MIR2052HG: variants seen among roughly 807,000 people sequenced by gnomAD.
MIR2052HG encodes MIR2052 host gene.
intron 2 of MIR2052HG, among the ~76,000 whole-genome samples, chr8:74,652,344 C>A (rs1309168049): frequency 6.6e-6 from 1 of 152,168 alleles, no homozygotes; most frequent in African/African-American, 2.4e-5. Context: ...CAGTGATACT[C>A]TCTTTTTCTC....
chr8:74,606,274 A>G (rs1214945129), intron 1 of MIR2052HG, among the ~76,000 whole-genome samples: 1 of 152,106 alleles, frequency 6.6e-6, no homozygotes, highest in African/African-American at 2.4e-5. Flanking sequence ...AGCTTGCACA[A>G]GTTAAGTCCT....
chr8:74,708,857 T>C (rs1473762497), intron 4 of MIR2052HG, among the ~76,000 whole-genome samples: 2 of 151,690 alleles, frequency 1.3e-5, no homozygotes, highest in African/African-American at 4.8e-5. Context: ...AAAATCTAAA[T>C]TTAAATTTTA....
intron 2 of MIR2052HG, among the ~76,000 whole-genome samples, chr8:74,685,269 G>T (rs551479791): frequency 6.6e-6 from 1 of 151,950 alleles, no homozygotes; most frequent in Non-Finnish European, 1.5e-5. Flanking sequence ...GAAAAAAGAT[G>T]ATATCCTCCT....
chr8:74,621,189 C>T (rs1027168302), intron 2 of MIR2052HG, among the ~76,000 whole-genome samples: 1 of 152,204 alleles, frequency 6.6e-6, no homozygotes, highest in Non-Finnish European at 1.5e-5. Flanking sequence ...AGCTCCAAAT[C>T]TTCCCACATC....
intron 5 of MIR2052HG, chr8:74,752,640 T>C: frequency 3.0e-6 from 1 of 332,480 alleles, no homozygotes; most frequent in Non-Finnish European, 5.9e-6. Context: ...TGTATCTTTG[T>C]TGAATTTTTA....
chr8:74,655,947 C>A (rs1295400565), intron 2 of MIR2052HG, among the ~76,000 whole-genome samples: 2 of 152,148 alleles, frequency 1.3e-5, no homozygotes, highest in African/African-American at 4.8e-5. Context: ...AGGAACCTTC[C>A]TCTTGCATCA....
At chr8:74,727,231 C>T (rs1201972673) in intron 4 of MIR2052HG, among the ~76,000 whole-genome samples, 1 of 152,172 alleles carries the variant, frequency 6.6e-6, no homozygotes, top group Non-Finnish European at 1.5e-5. Flanking sequence ...TATCCTTGTA[C>T]TGTTTGCAAA....
At chr8:74,747,562 G>C (rs1021882332) in intron 4 of MIR2052HG, among the ~76,000 whole-genome samples, 1 of 152,120 alleles carries the variant, frequency 6.6e-6, no homozygotes, top group Non-Finnish European at 1.5e-5. Context: ...TGTGAATCGT[G>C]TTATTCTCTG....
chr8:74,703,717 A>G, intron 4 of MIR2052HG: 1 of 438,656 alleles, frequency 2.3e-6, no homozygotes, highest in Non-Finnish European at 4.6e-6. Context: ...TGGGATCTGG[A>G]AGTCATGTGG....
intron 4 of MIR2052HG, among the ~76,000 whole-genome samples, chr8:74,731,348 A>C (rs1432936364): frequency 6.6e-6 from 1 of 152,166 alleles, no homozygotes; most frequent in East Asian, 1.9e-4. Context: ...AAGGGCCAGC[A>C]GTTTGTCATT....
intron 2 of MIR2052HG, among the ~76,000 whole-genome samples, chr8:74,626,230 G>C (rs1808434960): frequency 6.6e-6 from 1 of 152,160 alleles, no homozygotes; most frequent in Non-Finnish European, 1.5e-5. Context: ...TACCTCTTTA[G>C]AGCCACTTCT....
intron 2 of MIR2052HG, among the ~76,000 whole-genome samples, chr8:74,701,431 G>T (rs974233492): frequency 6.6e-6 from 1 of 152,008 alleles, no homozygotes; most frequent in African/African-American, 2.4e-5. Context: ...GAAGTCAATT[G>T]TATATTCCTT....
chr8:74,690,440 G>C (rs1475088372), intron 2 of MIR2052HG, among the ~76,000 whole-genome samples: 1 of 151,920 alleles, frequency 6.6e-6, no homozygotes, highest in Non-Finnish European at 1.5e-5. Flanking sequence ...TTGATTGTAG[G>C]ATTAAAGAGT....
At chr8:74,645,802 G>C (rs1458732827) in intron 2 of MIR2052HG, among the ~76,000 whole-genome samples, 1 of 152,148 alleles carries the variant, frequency 6.6e-6, no homozygotes, top group African/African-American at 2.4e-5. Flanking sequence ...AAATTTATCT[G>C]TTACCAAACT....
intron 4 of MIR2052HG, among the ~76,000 whole-genome samples, chr8:74,707,463 A>G (rs934434859): frequency 6.6e-6 from 1 of 152,156 alleles, no homozygotes; most frequent in African/African-American, 2.4e-5. Flanking sequence ...AGGTTAAGCA[A>G]CCAGAATTCA....
At chr8:74,733,586 G>A (rs1265219558) in intron 4 of MIR2052HG, among the ~76,000 whole-genome samples, 1 of 143,348 alleles carries the variant, frequency 7.0e-6, no homozygotes, top group East Asian at 2.0e-4. Context: ...TAGTCCTTTG[G>A]GTATATACCC....
intron 2 of MIR2052HG, among the ~76,000 whole-genome samples, chr8:74,677,914 A>G (rs1809072260): frequency 6.6e-6 from 1 of 152,188 alleles, no homozygotes; most frequent in Non-Finnish European, 1.5e-5. Flanking sequence ...TTGAGGAAAA[A>G]AGGAAAGAAG....
rs1808063680 is a variant in MIR2052HG at position 74,603,834 on chromosome 8, C to G, written n.128+3926C>G. ...TGGCCTGCTCAGTTGAGTTGGGTAG[C>G]ATATCCCCTGCCATCTAGACCTGAG... On this transcript the variant is annotated intron_variant and non_coding_transcript_variant, in intron 1 of 6. Transcript: ENST00000523442. 3 of 853,976 alleles carry G rather than the reference C, an allele frequency of 3.5e-6. No homozygotes were observed. The African/African-American group carries it at 5.0e-5, about 14-fold the overall frequency. 52.9% of individuals were successfully genotyped at this position (853,976 alleles called of 1,614,324 possible).
intron 4 of MIR2052HG, among the ~76,000 whole-genome samples, chr8:74,731,992 G>C (rs555506469): frequency 1.1e-3 from 174 of 152,168 alleles, no homozygotes; most frequent in African/African-American, 4.0e-3. Flanking sequence ...ATTTTAGCTG[G>C]CAATAAGTAG....
Sources: allele counts gnomAD v4.1 joint callset (sites outside exome capture counted in the v4.1 genomes callset), GRCh38; gene constraint gnomAD v4.1.1; transcripts MANE v1.5; gene names NCBI Gene and HGNC (gene_info 2026-07-23, HGNC 2026-07-21).